ROBO2: variants seen among roughly 807,000 people sequenced by gnomAD.
The protein encoded by ROBO2 is roundabout homolog 2.
ROBO2 carries 53 observed loss-of-function variants against 160.8 expected under a neutral mutation model. That is an observed-to-expected ratio of 0.33 (90% CI 0.26 to 0.41). The LOEUF is 0.41. Ranked by LOEUF, ROBO2 falls within the 10% of genes least tolerant of loss-of-function variation. The pLI, the probability that ROBO2 is intolerant of heterozygous loss-of-function variation, is 1.00. For synonymous variants in ROBO2, 664 were observed against 611.7 expected, an observed-to-expected ratio of 1.09 and a Z score of -1.26; for missense variants, 1,577 against 1,722.4, an observed-to-expected ratio of 0.92 and a Z score of 1.49.
chr3:76,778,371 T>A (rs2062415081), intron 2 of ROBO2, among the ~76,000 whole-genome samples: 1 of 151,136 alleles, frequency 6.6e-6, no homozygotes, highest in South Asian at 2.1e-4. Context: ...GAGCAAAGGT[T>A]ATGTGTTTTA....
At chr3:76,663,223 T>C (rs529739662) in intron 2 of ROBO2, among the ~76,000 whole-genome samples, 8 of 152,272 alleles carry the variant, frequency 5.3e-5, no homozygotes, top group Admixed American at 1.3e-4. Flanking sequence ...CGACTGAGTA[T>C]TGGTACCATC....
intron 2 of ROBO2, among the ~76,000 whole-genome samples, chr3:77,348,993 C>A (rs1381723405): frequency 6.6e-6 from 1 of 152,074 alleles, no homozygotes; most frequent in Non-Finnish European, 1.5e-5. Flanking sequence ...ATTGCAATCC[C>A]CGCCTGCACC....
chr3:76,126,173 CA>C (rs1303283811), intron 2 of ROBO2, among the ~76,000 whole-genome samples: 1 of 152,170 alleles, frequency 6.6e-6, no homozygotes, highest in African/African-American at 2.4e-5. Context: ...AACAAGGAAA[CA>C]GGAGTGAATC....
intron 2 of ROBO2, among the ~76,000 whole-genome samples, chr3:76,608,894 C>T (rs1320439636): frequency 6.6e-6 from 1 of 152,066 alleles, no homozygotes; most frequent in Non-Finnish European, 1.5e-5. Flanking sequence ...ACACTGTATT[C>T]AATATGTAGT....
intron 5 of ROBO2, among the ~76,000 whole-genome samples, chr3:77,508,786 A>G (rs1023940960): frequency 2.0e-4 from 30 of 152,114 alleles, no homozygotes; most frequent in African/African-American, 7.2e-4. Context: ...TTTTTAACTT[A>G]AACTTAATTT....
Position 75,964,785 on chromosome 3 carries a change from G to A in ROBO2, c.109+27183G>A, listed in dbSNP as rs576857588. On this transcript the variant is annotated intron_variant, in intron 2 of 26. Transcript: ENST00000487694. The stretch of plus-strand genomic sequence containing the variant: ...ATTCTTATCATGAAATATACAGAAA[G>A]CACCATTTTGTTGCATGTTGTTACA... Among the ~76,000 whole-genome samples, 28 of 151,552 alleles carry A rather than the reference G, an allele frequency of 1.8e-4. No homozygotes were observed. The South Asian group carries it at 5.6e-3, about 30-fold the overall frequency.
At chr3:76,716,248 G>A (rs1457374523) in intron 2 of ROBO2, among the ~76,000 whole-genome samples, 1 of 152,182 alleles carries the variant, frequency 6.6e-6, no homozygotes, top group Non-Finnish European at 1.5e-5. Context: ...CATAGATACT[G>A]TTTTTGGAGT....
chr3:76,632,638 T>C (rs1237613605), intron 2 of ROBO2, among the ~76,000 whole-genome samples: 2 of 152,228 alleles, frequency 1.3e-5, no homozygotes, highest in African/African-American at 4.8e-5. Context: ...CTTATCAATA[T>C]GCGATCTAGA....
chr3:76,871,444 C>A (rs2072057170), intron 2 of ROBO2, among the ~76,000 whole-genome samples: 1 of 148,960 alleles, frequency 6.7e-6, no homozygotes, highest in Admixed American at 6.7e-5. Context: ...GTCCCAGCTA[C>A]TTGGGAGGCT....
At chr3:76,679,063 G>C (rs978101071) in intron 2 of ROBO2, among the ~76,000 whole-genome samples, 1 of 151,956 alleles carries the variant, frequency 6.6e-6, no homozygotes, top group African/African-American at 2.4e-5. Context: ...GTATGGCAAT[G>C]GCCACCAGTG....
chr3:76,230,468 T>C (rs1704555819), intron 2 of ROBO2, among the ~76,000 whole-genome samples: 2 of 152,114 alleles, frequency 1.3e-5, no homozygotes, highest in African/African-American at 4.8e-5. Flanking sequence ...GCTTTATGAG[T>C]GCTAAGCCAC....
At chr3:77,487,280 G>C (rs971693181) in intron 4 of ROBO2, among the ~76,000 whole-genome samples, 1 of 152,022 alleles carries the variant, frequency 6.6e-6, no homozygotes, top group African/African-American at 2.4e-5. Context: ...TATGTCCCAT[G>C]CCCTGTTTAA....
intron 5 of ROBO2, among the ~76,000 whole-genome samples, chr3:77,494,031 C>A (rs1255332979): frequency 1.3e-5 from 2 of 152,112 alleles, no homozygotes; most frequent in Admixed American, 1.3e-4. Flanking sequence ...TTCAAAAATG[C>A]TTTTCATCAT....
At chr3:77,005,313 C>T (rs566066503) in intron 2 of ROBO2, among the ~76,000 whole-genome samples, 4 of 152,222 alleles carry the variant, frequency 2.6e-5, no homozygotes, top group African/African-American at 9.6e-5. Context: ...TTTGTAATGA[C>T]GAGCACCAAG....
chr3:77,648,855 T>G (rs1296828694), exon 26 of ROBO2: 1 of 152,152 alleles, frequency 6.6e-6, no homozygotes, highest in African/African-American at 2.4e-5. Flanking sequence ...CAGGTTTAAA[T>G]GGAGGCCTGC....
intron 2 of ROBO2, among the ~76,000 whole-genome samples, chr3:76,220,744 T>A (rs948015636): frequency 6.6e-6 from 1 of 151,208 alleles, no homozygotes; most frequent in African/African-American, 2.5e-5. Flanking sequence ...ACATATTTGA[T>A]GAAAACACAC....
chr3:76,101,179 T>C (rs536367452), intron 2 of ROBO2, among the ~76,000 whole-genome samples: 17 of 152,252 alleles, frequency 1.1e-4, no homozygotes, highest in African/African-American at 3.9e-4. Context: ...GGAGGAAAGA[T>C]GTGATGAGAT....
At chr3:77,572,450 T>A (rs2093660663) in intron 13 of ROBO2, among the ~76,000 whole-genome samples, 1 of 151,964 alleles carries the variant, frequency 6.6e-6, no homozygotes, top group Admixed American at 6.6e-5. Flanking sequence ...ACTGGTAGCA[T>A]GAATGAGGAC....
chr3:76,212,933 C>T (rs1365406212), intron 2 of ROBO2, among the ~76,000 whole-genome samples: 1 of 58,400 alleles, frequency 1.7e-5, no homozygotes, highest in African/African-American at 5.6e-5. Context: ...TGGTATTTGG[C>T]TTTCAAAGGG....
Sources: allele counts gnomAD v4.1 joint callset (sites outside exome capture counted in the v4.1 genomes callset), GRCh38; gene constraint gnomAD v4.1.1; transcripts MANE v1.5; gene names NCBI Gene and HGNC (gene_info 2026-07-23, HGNC 2026-07-21).